The following EPAS1 variants were observed in gnomAD, a reference collection of about 807,000 sequenced individuals.
The protein encoded by EPAS1 is endothelial PAS domain protein 1, also known as endothelial PAS domain-containing protein 1.
EPAS1 carries 23 observed loss-of-function variants against 87.9 expected under a neutral mutation model. The ratio of observed to expected loss-of-function variants is 0.26; its 90% CI spans 0.19 to 0.37. EPAS1 has a LOEUF of 0.37. EPAS1 is among the 10% of genes least tolerant of loss of function. The pLI is 1.00. For synonymous variants in EPAS1, 508 were observed against 444.3 expected (o/e 1.14, Z -1.80); for missense variants, 1,138 against 1,120.7 (o/e 1.02, Z -0.22).
intron 2 of EPAS1, among the ~76,000 whole-genome samples, chr2:46,353,420 G>A (rs560208800): frequency 1.4e-4 from 21 of 152,350 alleles, no homozygotes; most frequent in African/African-American, 4.1e-4. Flanking sequence ...CTTAGAGGGC[G>A]CCACACTTAG....
At chr2:46,365,158 G>A (rs548700512) in intron 6 of EPAS1, among the ~76,000 whole-genome samples, 1 of 152,176 alleles carries the variant, frequency 6.6e-6, no homozygotes, top group Non-Finnish European at 1.5e-5. Flanking sequence ...ATCCCACTGC[G>A]ATTTTGTCAG....
At chr2:46,309,045 T>C (rs1683163849) in intron 1 of EPAS1, among the ~76,000 whole-genome samples, 1 of 152,234 alleles carries the variant, frequency 6.6e-6, no homozygotes, top group Admixed American at 6.5e-5. Context: ...TGTTCTTTTT[T>C]CCCCACAGAA....
Position 46,380,292 on chromosome 2 carries a change from C to T in EPAS1, c.1620C>T (p.Phe540=). 6.2e-7 allele frequency: 1 copy of T among 1,614,060 alleles called. No individual in the cohort carries two copies. ...ATATCCCCATGGACGGGGAAGACTT[C>T]CAGCTAAGCCCCATCTGCCCCGAGG... ...APYIPMDGED[F]QLSPICPEER... Residue 540 remains phenylalanine, a synonymous_variant, in exon 12 of 16, where the codon TTC becomes TTT. Transcript: ENST00000263734. The surrounding 1 kb of genome is among the most constrained non-coding windows in gnomAD (Gnocchi z 4.4).
intron 1 of EPAS1, 32 bp downstream of exon 1, chr2:46,297,969 G>A (rs777554416): frequency 1.2e-6 from 2 of 1,610,220 alleles, no homozygotes; most frequent in South Asian, 1.1e-5. Context: ...TCAGGGGGCC[G>A]GTCCGAGGCC....
At chr2:46,377,862 G>T (rs1684791029) in intron 9 of EPAS1, 32 bp from the exon 10 acceptor site, 3 of 1,551,680 alleles carry the variant, frequency 1.9e-6, no homozygotes, top group Non-Finnish European at 2.6e-6. Flanking sequence ...GATGGTTGTG[G>T]GTGTTCACCT....
intron 4 of EPAS1, among the ~76,000 whole-genome samples, chr2:46,359,012 G>A (rs1309070010): frequency 6.6e-6 from 1 of 152,014 alleles, no homozygotes; most frequent in Non-Finnish European, 1.5e-5. Context: ...TGTAATCCCA[G>A]GACTTTCGGA....
chr2:46,319,932 G>C lies in EPAS1; in HGVS notation c.26+21995G>C, dbSNP rs561475951. On this transcript the variant is annotated intron_variant, in intron 1 of 15. Coordinates refer to ENST00000263734, the MANE Select transcript of EPAS1 (RefSeq NM_001430.5). Reference sequence around the variant, plus strand: ...CCAGTCAGTTTAAACATATTTAAGAGTTCCCAGGCATCTTCGAACAGAAAA... The same window carrying C: ...CCAGTCAGTTTAAACATATTTAAGACTTCCCAGGCATCTTCGAACAGAAAA... Among the ~76,000 whole-genome samples, 61 of 152,304 alleles carry C rather than the reference G, an allele frequency of 4.0e-4. 2 individuals carry two copies. The South Asian group carries it at 0.011, about 27-fold the overall frequency.
At chr2:46,298,347 A>ATT (rs1014468179) in intron 1 of EPAS1, among the ~76,000 whole-genome samples, 8 of 151,924 alleles carry the variant, frequency 5.3e-5, no homozygotes, top group African/African-American at 1.9e-4. Context: ...CCACGTCTCT[A>ATT]TTTTTCTCTG....
chr2:46,302,161 G>A (rs1356991907), intron 1 of EPAS1, among the ~76,000 whole-genome samples: 3 of 89,326 alleles, frequency 3.4e-5, no homozygotes, highest in African/African-American at 1.1e-4. Flanking sequence ...CCCGTGCGTC[G>A]GGGGGGGGGG....
Position 46,307,260 on chromosome 2 carries a change from G to A in EPAS1, c.26+9323G>A, listed in dbSNP as rs1309787605. On this transcript the variant is annotated intron_variant, in intron 1 of 15. Coordinates refer to ENST00000263734, the MANE Select transcript of EPAS1 (RefSeq NM_001430.5). Reference sequence around the variant, plus strand: ...AAGGGAGAGAGAAGTCCTCTGCAGAGCCAAAAGGACTCTCTGGGGCCTGGG... The same window carrying A: ...AAGGGAGAGAGAAGTCCTCTGCAGAACCAAAAGGACTCTCTGGGGCCTGGG... Among the ~76,000 whole-genome samples the A allele has an allele frequency of 2.0e-5, 3 of 152,178 alleles. No homozygotes were observed. In the East Asian group the frequency reaches 5.8e-4, roughly 29 times the overall value.
At chr2:46,348,568 G>A (rs1684084031) in intron 2 of EPAS1, among the ~76,000 whole-genome samples, 1 of 152,158 alleles carries the variant, frequency 6.6e-6, no homozygotes, top group South Asian at 2.1e-4. Context: ...TTCCTGCTGT[G>A]GTACTTGAGA....
rs371704746 is a variant in EPAS1 at position 46,299,300 on chromosome 2, G to A, written c.26+1363G>A. 1.1e-3 allele frequency among the ~76,000 whole-genome samples: 170 copies of A among 152,298 alleles called. 1 individual carries two copies. The highest frequency in any genetic ancestry group is 3.3e-3 in the African/African-American group (137 of 41,558). ...CGGGCCCTTCACTGCGGGATCGCTA[G>A]GGGAGGGGATTGGGCCCTGCTCCCC... On this transcript the variant is annotated intron_variant, in intron 1 of 15. Coordinates refer to ENST00000263734, the MANE Select transcript of EPAS1 (RefSeq NM_001430.5).
intron 2 of EPAS1, among the ~76,000 whole-genome samples, chr2:46,352,831 G>C (rs1288872176): frequency 6.6e-6 from 1 of 152,160 alleles, no homozygotes; most frequent in African/African-American, 2.4e-5. Context: ...GTTACCCTTC[G>C]TGGCCCTAGA....
chr2:46,380,307 C>A lies in EPAS1; in HGVS notation c.1635C>A (p.Ile545=), dbSNP rs748771714. The change falls in exon 12 of 16, where the codon ATC becomes ATA. Residue 545 remains isoleucine (I), a synonymous_variant. Coordinates refer to ENST00000263734, the MANE Select transcript of EPAS1 (RefSeq NM_001430.5). This position sits in a 1 kb window ranked among gnomAD's most constrained non-coding sequence, Gnocchi z 4.4. ...GGGAAGACTTCCAGCTAAGCCCCATCTGCCCCGAGGAGCGGCTCTTGGCGG... is the reference window on the plus strand; with the variant it reads ...GGGAAGACTTCCAGCTAAGCCCCATATGCCCCGAGGAGCGGCTCTTGGCGG... The part of the protein sequence containing the change: ...MDGEDFQLSP[I]CPEERLLAEN... The A allele has an allele frequency of 2.3e-5, 37 of 1,614,158 alleles. 2 individuals are homozygous for A. In the South Asian group the frequency reaches 4.1e-4, roughly 18 times the overall value.
intron 1 of EPAS1, among the ~76,000 whole-genome samples, chr2:46,321,688 C>T (rs1009405868): frequency 6.6e-6 from 1 of 151,800 alleles, no homozygotes; most frequent in Non-Finnish European, 1.5e-5. Flanking sequence ...GCCCCCCACC[C>T]CACCCCCGCA....
Position 46,384,811 on chromosome 2 carries a change from G to A in EPAS1, c.*151G>A. On this transcript the variant is annotated 3_prime_UTR_variant, in exon 16 of 16. Coordinates refer to ENST00000263734, the MANE Select transcript of EPAS1 (RefSeq NM_001430.5). ...AGACTTGCCCAGGTCACCAAGCAGTGGCCTTTTTCTGAGATGCTCACTTTA... is the reference window on the plus strand; with the variant it reads ...AGACTTGCCCAGGTCACCAAGCAGTAGCCTTTTTCTGAGATGCTCACTTTA... The A allele has an allele frequency of 3.2e-6, 3 of 951,306 alleles. No homozygotes were observed. The South Asian group carries it at 4.5e-5, about 14-fold the overall frequency. The allele number at this position is 951,306 out of a possible 1,614,324, so 58.9% of individuals were successfully genotyped here.
At chr2:46,356,848 G>A (rs1375412894) in intron 4 of EPAS1, 40 bp downstream of exon 4, 1 of 1,451,940 alleles carries the variant, frequency 6.9e-7, no homozygotes, top group South Asian at 1.1e-5. Flanking sequence ...GCCCCCACTG[G>A]GTGGGAATCT....
At position 46,347,235 on chromosome 2, in the gene EPAS1, C is replaced by A; in HGVS notation, c.217+172C>A. The A allele has an allele frequency of 1.4e-6, 1 of 737,602 alleles. No homozygotes were observed. The highest frequency in any genetic ancestry group is 2.3e-6 in the Non-Finnish European group (1 of 433,144). 45.7% of individuals were successfully genotyped at this position (737,602 alleles called of 1,614,324 possible). ...TCCTTCATGTTAAACATCTCTCTTC[C>A]AGCAGTGACCTTTACCGTGAATCCA... On this transcript the variant is annotated intron_variant, in intron 2 of 15. Transcript: ENST00000263734. This position sits in a 1 kb window ranked among gnomAD's most constrained non-coding sequence, Gnocchi z 4.2.
intron 1 of EPAS1, among the ~76,000 whole-genome samples, chr2:46,340,779 G>A (rs1386363697): frequency 1.3e-5 from 2 of 152,180 alleles, no homozygotes; most frequent in South Asian, 2.1e-4. Flanking sequence ...CTGAGCTGGA[G>A]TGCAGTGGTG....
Sources: gnomAD v4.1 joint callset for allele counts (sites outside exome capture counted in the v4.1 genomes callset) on GRCh38, gnomAD v4.1.1 for gene constraint, Gnocchi (gnomAD v3.1) non-coding constraint, MANE v1.5 for transcripts, NCBI Gene and HGNC (gene_info 2026-07-23, HGNC 2026-07-21) for gene names.